Variants in XKR4 observed in about 807,000 individuals in gnomAD.
XKR4 encodes XK related 4.
In XKR4, 12 loss-of-function variants were observed where a neutral mutation model predicts 53.9. That is an observed-to-expected ratio of 0.22 (90% CI 0.14 to 0.36). The LOEUF is 0.36. Ranked by LOEUF, XKR4 falls within the 10% of genes least tolerant of loss-of-function variation. The pLI, the probability that XKR4 is intolerant of heterozygous loss-of-function variation, is 1.00. For missense variants in XKR4, 799 were observed against 859.5 expected (o/e 0.93, Z 0.88); for synonymous variants, 354 against 362.4 (o/e 0.98, Z 0.26).
chr8:55,453,165 G>C (rs978773057), intron 2 of XKR4: 9 of 509,400 alleles, frequency 1.8e-5, no homozygotes, highest in Non-Finnish European at 3.6e-5. Flanking sequence ...TCCACACCAC[G>C]TGCTCCTGCA....
chr8:55,120,572 G>A (rs1449012755), intron 1 of XKR4, among the ~76,000 whole-genome samples: 1 of 151,832 alleles, frequency 6.6e-6, no homozygotes, highest in Middle Eastern at 3.2e-3. Flanking sequence ...CTTCATTTGG[G>A]AAGTTTTCGG....
chr8:55,407,515 C>A (rs1321894361), intron 2 of XKR4, among the ~76,000 whole-genome samples: 1 of 152,236 alleles, frequency 6.6e-6, no homozygotes, highest in Non-Finnish European at 1.5e-5. Context: ...CATTCACGGG[C>A]CTGATGAACT....
At chr8:55,412,548 C>A (rs1461812096) in intron 2 of XKR4, among the ~76,000 whole-genome samples, 2 of 152,188 alleles carry the variant, frequency 1.3e-5, no homozygotes, top group Non-Finnish European at 2.9e-5. Flanking sequence ...ATGCACACTG[C>A]CCCTTCCTTC....
chr8:55,132,970 G>C (rs1176507805), intron 1 of XKR4, among the ~76,000 whole-genome samples: 1 of 152,136 alleles, frequency 6.6e-6, no homozygotes, highest in Admixed American at 6.5e-5. Flanking sequence ...TCCTGGCTAG[G>C]GTGGGTTGAG....
chr8:55,437,522 T>C (rs993770999), intron 2 of XKR4, among the ~76,000 whole-genome samples: 1 of 152,218 alleles, frequency 6.6e-6, no homozygotes, highest in African/African-American at 2.4e-5. Flanking sequence ...ACATGGTCAG[T>C]GTTAGAGTCC....
intron 1 of XKR4, among the ~76,000 whole-genome samples, chr8:55,130,230 T>A (rs990895068): frequency 8.9e-6 from 1 of 112,702 alleles, no homozygotes; most frequent in African/African-American, 2.8e-5. Flanking sequence ...TGTCAGGTGT[T>A]ATCTGCTACA....
chr8:55,289,562 A>AG (rs1348721495), intron 1 of XKR4, among the ~76,000 whole-genome samples: 81 of 120,130 alleles, frequency 6.7e-4, no homozygotes, highest in African/African-American at 1.9e-3. Context: ...GGAAGGAAGG[A>AG]AGGAAGGAGA....
chr8:55,441,251 TA>T (rs11296297), intron 2 of XKR4, among the ~76,000 whole-genome samples: 48,873 of 151,048 alleles, frequency 0.32, 8,000 homozygotes, highest in African/African-American at 0.37. Context: ...AGAAAAAACA[TA>T]AAAAAATAAA....
chr8:55,191,685 C>CTT (rs528131249), intron 1 of XKR4, among the ~76,000 whole-genome samples: 1,793 of 117,060 alleles, frequency 0.015, 11 homozygotes, highest in South Asian at 0.023. Flanking sequence ...TAGTACAATT[C>CTT]TTTTTTTTTT....
intron 2 of XKR4, among the ~76,000 whole-genome samples, chr8:55,388,755 T>G (rs1375667509): frequency 6.6e-6 from 1 of 152,228 alleles, no homozygotes; most frequent in Non-Finnish European, 1.5e-5. Context: ...CTTCCTTAGC[T>G]ACATCCAACT....
At chr8:55,317,943 T>C (rs1005783049) in intron 1 of XKR4, among the ~76,000 whole-genome samples, 1 of 152,056 alleles carries the variant, frequency 6.6e-6, no homozygotes, top group Non-Finnish European at 1.5e-5. Flanking sequence ...TAAAAACCAC[T>C]AAGAAAACAG....
chr8:55,502,598 T>C (rs1470397499), intron 2 of XKR4, among the ~76,000 whole-genome samples: 5 of 133,806 alleles, frequency 3.7e-5, no homozygotes, highest in South Asian at 2.1e-4. Flanking sequence ...GAGGTTGTTA[T>C]TGAGTTATAG....
chr8:55,126,362 A>T (rs954154344), intron 1 of XKR4, among the ~76,000 whole-genome samples: 2 of 152,210 alleles, frequency 1.3e-5, no homozygotes, highest in Non-Finnish European at 2.9e-5. Flanking sequence ...GCTCCAGTAG[A>T]GCTGCTGGAA....
At chr8:55,137,079 T>C (rs1816640729) in intron 1 of XKR4, among the ~76,000 whole-genome samples, 1 of 152,198 alleles carries the variant, frequency 6.6e-6, no homozygotes, top group African/African-American at 2.4e-5. Flanking sequence ...TTTTAGATTC[T>C]GGAGCTGAAC....
intron 2 of XKR4, among the ~76,000 whole-genome samples, chr8:55,404,947 G>GT (rs1804662404): frequency 6.6e-6 from 1 of 152,172 alleles, no homozygotes; most frequent in Non-Finnish European, 1.5e-5. Context: ...TTGATGCTGC[G>GT]TTGCGCTGCG....
intron 2 of XKR4, chr8:55,449,392 G>C (rs1285486535): frequency 3.2e-6 from 2 of 618,892 alleles, no homozygotes; most frequent in Non-Finnish European, 5.9e-6. Context: ...CTGGGGGCTC[G>C]GGGCCTCACT....
At chr8:55,163,812 TC>T (rs1437168848) in intron 1 of XKR4, among the ~76,000 whole-genome samples, 2 of 152,128 alleles carry the variant, frequency 1.3e-5, no homozygotes, top group Admixed American at 1.3e-4. Flanking sequence ...GCCACTGCAC[TC>T]CAGCCTGGGC....
intron 1 of XKR4, among the ~76,000 whole-genome samples, chr8:55,179,754 T>C (rs1817282630): frequency 6.6e-6 from 1 of 152,210 alleles, no homozygotes; most frequent in Middle Eastern, 3.2e-3. Context: ...GAATGGATTA[T>C]AAGAAACAGT....
At chr8:55,494,482 C>T (rs1435070306) in intron 2 of XKR4, among the ~76,000 whole-genome samples, 2 of 152,334 alleles carry the variant, frequency 1.3e-5, no homozygotes, top group Admixed American at 1.3e-4. Flanking sequence ...TCTTGTCCTG[C>T]ATCCAGGAAG....
Sources: gnomAD v4.1 joint callset for allele counts (sites outside exome capture counted in the v4.1 genomes callset) on GRCh38, gnomAD v4.1.1 for gene constraint, MANE v1.5 for transcripts, NCBI Gene and HGNC (gene_info 2026-07-23, HGNC 2026-07-21) for gene names.